ARHGAP39: variants seen among roughly 807,000 people sequenced by gnomAD.
ARHGAP39 encodes Rho GTPase activating protein 39, also known as rho GTPase-activating protein 39.
Under a neutral mutation model 106.9 loss-of-function variants are expected in ARHGAP39, and 44 were observed. The observed-to-expected ratio is 0.41, with a 90% CI of 0.32 to 0.53. The LOEUF (loss-of-function observed/expected upper bound fraction) is 0.53. Among genes scored for constraint, ARHGAP39 ranks in the 20% least tolerant of loss-of-function variants. The pLI is 0.21. For missense variants in ARHGAP39, 1,496 were observed against 1,577.3 expected (o/e 0.95, Z 0.87); for synonymous variants, 768 against 693.2 (o/e 1.11, Z -1.69).
chr8:144,696,707 C>T, the ARHGAP39 span, among the ~76,000 whole-genome samples: 2 of 152,136 alleles, frequency 1.3e-5, no homozygotes, highest in African/African-American at 4.8e-5. Context: ...TTTAAGTGTA[C>T]AGTTCAGTGA....
chr8:144,606,073 CCTCA>C (rs1477266532), intron 1 of ARHGAP39, among the ~76,000 whole-genome samples: 2 of 152,216 alleles, frequency 1.3e-5, no homozygotes, highest in Admixed American at 6.5e-5. Flanking sequence ...CCTGCTCCGC[CCTCA>C]CTCTCAGCCC....
At chr8:144,569,166 T>C (rs190655845) in intron 3 of ARHGAP39, among the ~76,000 whole-genome samples, 3 of 152,328 alleles carry the variant, frequency 2.0e-5, no homozygotes, top group Admixed American at 2.0e-4. Context: ...AGTGCCAAGA[T>C]TAATGTAAGT....
In ARHGAP39 at chr8:144,581,116, T is replaced by C; in HGVS notation, c.242A>G (p.Tyr81Cys). The C allele has an allele frequency of 1.3e-6, 2 of 1,592,974 alleles. 1 individual carries two copies. Among genetic ancestry groups the C allele is most frequent in the East Asian group, 4.5e-5 (2 of 44,116 alleles). ...ELFDPNTSRF[Y>C]YYNASTQRTV... is the part of the protein sequence containing the mutation. ...GCGCTGCGTGCTGGCATTGTAGTAG[T>C]AGAAGCGGGACGTGTTGGGGTCGAA... is the stretch of plus-strand genomic sequence containing the variant. Residue 81 changes from tyrosine to cysteine, a missense_variant, in exon 3 of 12, where the codon TAC becomes TGC. Physicochemically the swap from Tyr to Cys is radical, Grantham distance 194 (BLOSUM62 -2). Transcript: ENST00000377307.
intron 3 of ARHGAP39, among the ~76,000 whole-genome samples, chr8:144,574,042 GC>G (rs1818677829): frequency 6.6e-6 from 1 of 151,084 alleles, no homozygotes. Context: ...GCATGGTGGC[GC>G]CCCCCTGTAA....
intron 1 of ARHGAP39, among the ~76,000 whole-genome samples, chr8:144,685,293 T>C (rs1377793122): frequency 2.8e-5 from 4 of 140,486 alleles, no homozygotes; most frequent in Non-Finnish European, 4.6e-5. Flanking sequence ...CACACCCACA[T>C]TGGGGCCGGG....
At chr8:144,609,005 A>C (rs1820392107) in intron 1 of ARHGAP39, among the ~76,000 whole-genome samples, 1 of 152,220 alleles carries the variant, frequency 6.6e-6, no homozygotes, top group Admixed American at 6.5e-5. Flanking sequence ...AGTGAATAAA[A>C]AGTTTTACTT....
At chr8:144,582,602 C>T (rs919648477) in intron 2 of ARHGAP39, among the ~76,000 whole-genome samples, 3 of 152,200 alleles carry the variant, frequency 2.0e-5, no homozygotes, top group Non-Finnish European at 2.9e-5. Context: ...CAGAAGGCAC[C>T]GAGGGACAGT....
chr8:144,590,214 G>A (rs951354269), intron 2 of ARHGAP39, among the ~76,000 whole-genome samples: 4 of 152,206 alleles, frequency 2.6e-5, no homozygotes, highest in African/African-American at 9.6e-5. Context: ...CATTGACACT[G>A]TGCTCGGGGC....
At chr8:144,536,070 G>A (rs1816940966) in intron 7 of ARHGAP39, among the ~76,000 whole-genome samples, 1 of 152,144 alleles carries the variant, frequency 6.6e-6, no homozygotes, top group Non-Finnish European at 1.5e-5. Flanking sequence ...ACCTGCAGTG[G>A]GATAGTGGGC....
At chr8:144,534,807 G>A (rs551091013) in intron 7 of ARHGAP39, among the ~76,000 whole-genome samples, 1 of 152,318 alleles carries the variant, frequency 6.6e-6, no homozygotes, top group South Asian at 2.1e-4. Context: ...CTAAAACTCA[G>A]CCCGACAGCA....
chr8:144,623,122 G>A (rs1370232027), intron 1 of ARHGAP39, among the ~76,000 whole-genome samples: 2 of 152,228 alleles, frequency 1.3e-5, no homozygotes, highest in East Asian at 3.8e-4. Flanking sequence ...GAATCGTTTG[G>A]AGGAGGGCAA....
Position 144,548,210 on chromosome 8 carries a change from G to A in ARHGAP39, c.876C>T (p.Pro292=). Residue 292 remains proline, a synonymous_variant, in exon 5 of 12, where the codon CCC becomes CCT. Transcript: ENST00000377307. This position sits in a 1 kb window ranked among gnomAD's most constrained non-coding sequence, Gnocchi z 7.4. The stretch of plus-strand genomic sequence containing the variant: ...GCTGCGAGTCCCCGGAGGGCTTTCG[G>A]GGCTGGGCCAGCAGCGGGGAGCTGC... The part of the protein sequence containing the change: ...PGSSSPLLAQ[P]RKPSGDSQPS... 6.3e-7 allele frequency: 1 copy of A among 1,599,542 alleles called. No homozygotes were observed. The highest frequency in any genetic ancestry group is 8.5e-7 in the Non-Finnish European group (1 of 1,172,010).
At chr8:144,593,695 T>TA (rs1819491133) in intron 2 of ARHGAP39, among the ~76,000 whole-genome samples, 1 of 151,984 alleles carries the variant, frequency 6.6e-6, no homozygotes, top group African/African-American at 2.4e-5. Context: ...CTCTCCTAAT[T>TA]CAGTAACAAC....
At chr8:144,532,180 A>C in intron 10 of ARHGAP39, 125 bp downstream of exon 10, 1 of 788,312 alleles carries the variant, frequency 1.3e-6, no homozygotes, top group Non-Finnish European at 2.1e-6. Context: ...ATGTGCTAGA[A>C]GTGACTGGGA....
rs546401004 is a variant in ARHGAP39 at position 144,576,404 on chromosome 8, C to T, written c.512+4442G>A. Reference sequence around the variant, plus strand: ...AGAGCTTCTCATGGAAGTCCTGGCCCCAATAGCCCCACATCACCCCAGCAT... The same window carrying T: ...AGAGCTTCTCATGGAAGTCCTGGCCTCAATAGCCCCACATCACCCCAGCAT... On this transcript the variant is annotated intron_variant, in intron 3 of 11. Coordinates refer to ENST00000377307, the MANE Select transcript of ARHGAP39 (RefSeq NM_025251.3). 1.4e-3 allele frequency among the ~76,000 whole-genome samples: 215 copies of T among 151,760 alleles called. 1 individual carries two copies. Among genetic ancestry groups the T allele is most frequent in the African/African-American group, 5.0e-3 (205 of 41,324 alleles).
At chr8:144,697,285 G>A in the ARHGAP39 span, among the ~76,000 whole-genome samples, 1 of 147,486 alleles carries the variant, frequency 6.8e-6, no homozygotes, top group Non-Finnish European at 1.5e-5. Context: ...AGCTGACATC[G>A]TGGCTTGGGT....
rs750609330 is a variant in ARHGAP39 at position 144,581,007 on chromosome 8, G to C, written c.351C>G (p.Arg117=). ...QTLKQNTESP[R]ASAESSPGRG... is the part of the protein sequence containing the mutation. ...GCCCGGGGCTGCTCTCCGCCGAGGC[G>C]CGCGGGGACTCCGTGTTCTGCTTCA... Residue 117 remains arginine, a synonymous_variant, in exon 3 of 12, where the codon CGC becomes CGG. Coordinates refer to ENST00000377307, the MANE Select transcript of ARHGAP39 (RefSeq NM_025251.3). 15 of 1,591,182 alleles carry C rather than the reference G, an allele frequency of 9.4e-6. No homozygotes were observed. In the Middle Eastern group the frequency reaches 5.0e-4, roughly 53 times the overall value.
intron 5 of ARHGAP39, among the ~76,000 whole-genome samples, chr8:144,546,113 C>T (rs113400565): frequency 0.025 from 3,862 of 152,266 alleles, 166 homozygotes; most frequent in African/African-American, 0.089. Flanking sequence ...TCCGCTGGCA[C>T]CCCCAGGGGG....
chr8:144,668,575 G>A (rs1479726837), intron 1 of ARHGAP39, among the ~76,000 whole-genome samples: 2 of 152,134 alleles, frequency 1.3e-5, no homozygotes, highest in Admixed American at 1.3e-4. Context: ...ACATCAGAAG[G>A]AGTAAAATAT....
Sources: allele counts gnomAD v4.1 joint callset (sites outside exome capture counted in the v4.1 genomes callset), GRCh38; gene constraint gnomAD v4.1.1; non-coding constraint Gnocchi (gnomAD v3.1); transcripts MANE v1.5; gene names NCBI Gene and HGNC (gene_info 2026-07-23, HGNC 2026-07-21).